MAOA: variants seen among roughly 807,000 people sequenced by gnomAD.
The protein encoded by MAOA is amine oxidase [flavin-containing] A.
Under a neutral mutation model 42.0 loss-of-function variants are expected in MAOA, and 6 were observed. That is an observed-to-expected ratio of 0.14 (90% CI 0.08 to 0.28). The LOEUF is 0.28. Among genes scored for constraint, MAOA ranks in the 10% least tolerant of loss-of-function variants. The probability of loss-of-function intolerance (pLI) is 1.00; values close to 1 mark genes in which losing one functional copy is unlikely to be tolerated. For synonymous variants in MAOA, 140 were observed against 154.0 expected (o/e 0.91, Z 0.67); for missense variants, 262 against 422.3 (o/e 0.62, Z 3.33).
At chrX:43,721,321 C>G (rs2033786839) in intron 5 of MAOA, among the ~76,000 whole-genome samples, 1 of 111,274 alleles carries the variant, frequency 9.0e-6, no homozygotes, top group African/African-American at 3.3e-5. Flanking sequence ...TGTAGCTGGA[C>G]CATAGTGATG....
At chrX:43,718,359 G>A (rs778284668) in intron 5 of MAOA, among the ~76,000 whole-genome samples, 30 of 98,316 alleles carry the variant, frequency 3.1e-4, no homozygotes, top group Admixed American at 4.4e-4. Flanking sequence ...CACCTGGGTA[G>A]TAGTGGGGGA....
rs188850437 is a variant in MAOA, at chrX:43,657,342, T to C, written c.73+928T>C. 2.9e-4 allele frequency among the ~76,000 whole-genome samples: 31 copies of C among 105,896 alleles called. No homozygotes were observed. In the East Asian group the frequency reaches 8.3e-3, roughly 28 times the overall value. The allele number at this position is 105,896 out of a possible 115,157, so 92.0% of individuals were successfully genotyped here. Reference sequence around the variant, plus strand: ...TGAACTTGCAGGAAGGTGTAGGACATTTATTGTCCAAAGAGAATCCCTTTA... The same window carrying C: ...TGAACTTGCAGGAAGGTGTAGGACACTTATTGTCCAAAGAGAATCCCTTTA... On this transcript the variant is annotated intron_variant, in intron 1 of 14. Coordinates refer to ENST00000338702, the MANE Select transcript of MAOA (RefSeq NM_000240.4).
At chrX:43,673,023 C>T (rs1601927697) in intron 1 of MAOA, among the ~76,000 whole-genome samples, 2 of 110,643 alleles carry the variant, frequency 1.8e-5, no homozygotes, top group South Asian at 7.8e-4. Flanking sequence ...GGTACCAGTT[C>T]CTCCTTGTAC....
rs186654818 is a variant in MAOA at position 43,694,138 on chromosome X, A to G, written c.306+710A>G. Among the ~76,000 whole-genome samples, 117 of 111,870 alleles carry G rather than the reference A, an allele frequency of 1.0e-3. 1 individual carries two copies. Among genetic ancestry groups the G allele is most frequent in the African/African-American group, 3.7e-3 (113 of 30,770 alleles). On this transcript the variant is annotated intron_variant, in intron 3 of 14. Coordinates refer to ENST00000338702, the MANE Select transcript of MAOA (RefSeq NM_000240.4). ...GTCTGGAAACATGCCTTGAGAAATC[A>G]AAGTTCCCATCTGACATTGCAGCCT...
At chrX:43,713,182 A>C (rs2033712669) in intron 5 of MAOA, among the ~76,000 whole-genome samples, 2 of 112,312 alleles carry the variant, frequency 1.8e-5, no homozygotes, top group African/African-American at 6.5e-5. Context: ...TGTCCTTTTC[A>C]GGGACATGGA....
intron 9 of MAOA, among the ~76,000 whole-genome samples, chrX:43,733,048 G>A (rs748534097): frequency 1.1e-4 from 12 of 112,111 alleles, no homozygotes; most frequent in Non-Finnish European, 1.9e-4. Context: ...CAAAGCTTAC[G>A]TGTTGAGGAT....
chrX:43,686,984 G>GC (rs200423725), intron 2 of MAOA, among the ~76,000 whole-genome samples: 1,149 of 111,686 alleles, frequency 0.01, 19 homozygotes, highest in African/African-American at 0.036. Flanking sequence ...TACCTGGCAA[G>GC]CTGTTCAGAT....
At chrX:43,718,983 C>G (rs1360829204) in intron 5 of MAOA, among the ~76,000 whole-genome samples, 1 of 110,445 alleles carries the variant, frequency 9.1e-6, no homozygotes, top group Admixed American at 9.6e-5. Flanking sequence ...CAGAGGGACA[C>G]AGGGTGGATT....
intron 3 of MAOA, among the ~76,000 whole-genome samples, chrX:43,710,805 A>G (rs1384327200): frequency 8.9e-6 from 1 of 112,059 alleles, no homozygotes; most frequent in Non-Finnish European, 1.9e-5. Flanking sequence ...TTCATATTAG[A>G]GGTCTTGGTA....
intron 5 of MAOA, among the ~76,000 whole-genome samples, chrX:43,718,563 G>A (rs1056481208): frequency 5.5e-5 from 6 of 108,988 alleles, no homozygotes; most frequent in Admixed American, 2.0e-4. Context: ...GTTGCATGGC[G>A]TGGCAGGATG....
intron 1 of MAOA, among the ~76,000 whole-genome samples, chrX:43,677,866 A>G (rs1166310847): frequency 1.8e-5 from 2 of 111,131 alleles, no homozygotes; most frequent in Non-Finnish European, 3.8e-5. Context: ...GGTTTAGGAG[A>G]GGAAGAACTC....
chrX:43,680,282 T>A (rs1256253607), intron 1 of MAOA, among the ~76,000 whole-genome samples: 2 of 111,199 alleles, frequency 1.8e-5, no homozygotes, highest in East Asian at 5.6e-4. Flanking sequence ...CTGGGTTCTG[T>A]GAGAGCAGGC....
chrX:43,743,643 G>A, intron 12 of MAOA, 151 bp from the exon 13 acceptor site: 7 of 626,286 alleles, frequency 1.1e-5, no homozygotes, highest in Non-Finnish European at 1.8e-5. Flanking sequence ...AAAGCAAAAA[G>A]TGGCCTTTCA....
rs185153248 is a variant in MAOA, at chrX:43,730,866, C to A, written c.646-375C>A. The stretch of plus-strand genomic sequence containing the variant: ...AATCAAAGGAAATTAGAAACTTCAT[C>A]CTCTGGAATAAGCCCTGTGCCTGCC... On this transcript the variant is annotated intron_variant, in intron 6 of 14. Coordinates refer to ENST00000338702, the MANE Select transcript of MAOA (RefSeq NM_000240.4). Among the ~76,000 whole-genome samples, 10 of 111,489 alleles carry A rather than the reference C, an allele frequency of 9.0e-5. No homozygotes were observed. The East Asian group carries it at 2.8e-3, about 32-fold the overall frequency.
intron 2 of MAOA, among the ~76,000 whole-genome samples, chrX:43,691,203 A>G (rs1431232709): frequency 9.1e-6 from 1 of 110,017 alleles, no homozygotes; most frequent in Non-Finnish European, 1.9e-5. Context: ...AGCAACCCTA[A>G]CCCTACAAAA....
chrX:43,692,168 G>A (rs1432920564), intron 2 of MAOA, among the ~76,000 whole-genome samples: 2 of 110,673 alleles, frequency 1.8e-5, no homozygotes, highest in Non-Finnish European at 3.8e-5. Flanking sequence ...GACCACTGAA[G>A]AAGCTCCCGA....
intron 5 of MAOA, among the ~76,000 whole-genome samples, chrX:43,724,416 A>G (rs920681306): frequency 3.6e-5 from 4 of 111,544 alleles, no homozygotes; most frequent in African/African-American, 9.8e-5. Context: ...GGGAGGGTGT[A>G]TGTGTCCAGG....
In MAOA at chrX:43,664,349, A is replaced by T. The variant is rs187552169; in HGVS notation, c.73+7935A>T. ...TAGTTTTCAAAGATTGTTTATTTAA[A>T]GTATCATTAGCCCATCGTCTATTCA... On this transcript the variant is annotated intron_variant, in intron 1 of 14. Transcript: ENST00000338702. Among the ~76,000 whole-genome samples the T allele has an allele frequency of 1.1e-3, 121 of 111,995 alleles. 1 individual carries two copies. Among genetic ancestry groups the T allele is most frequent in the Non-Finnish European group, 1.1e-3 (61 of 53,127 alleles).
In MAOA at chrX:43,711,878, A is replaced by G. The variant is rs1309805299; in HGVS notation, c.313A>G (p.Thr105Ala). ...ERLVQYVKGKTYPFRGAFPPV... is the reference protein window; with the variant it reads ...ERLVQYVKGKAYPFRGAFPPV... Reference sequence around the variant, plus strand: ...GTTTGCTTTTATGTTCTAGGGGAAAACATATCCATTTCGGGGCGCCTTTCC... The same window carrying G: ...GTTTGCTTTTATGTTCTAGGGGAAAGCATATCCATTTCGGGGCGCCTTTCC... Residue 105 changes from threonine (T) to alanine (A), a missense_variant, in exon 4 of 15, where the codon ACA (threonine) becomes GCA (alanine). This residue lies in a region of MAOA where 141 missense variants were observed against 195.6 expected (regional missense o/e 0.72). Coordinates refer to ENST00000338702, the MANE Select transcript of MAOA (RefSeq NM_000240.4). 1 of 1,189,699 alleles carries G rather than the reference A, an allele frequency of 8.4e-7. No homozygotes were observed. Among genetic ancestry groups the G allele is most frequent in the Non-Finnish European group, 1.1e-6 (1 of 875,655 alleles).
Sources: gnomAD v4.1 joint callset for allele counts (sites outside exome capture counted in the v4.1 genomes callset) on GRCh38, gnomAD v4.1.1 for gene constraint, gnomAD v4.1.1 regional missense constraint, MANE v1.5 for transcripts, NCBI Gene and HGNC (gene_info 2026-07-23, HGNC 2026-07-21) for gene names.